The following TMIGD3 variants were observed in gnomAD, a reference collection of about 807,000 sequenced individuals.
TMIGD3 encodes the protein AD026 protein (AD026).
In TMIGD3, 21 loss-of-function variants were observed where a neutral mutation model predicts 28.1. The observed-to-expected ratio is 0.75, with a 90% CI of 0.53 to 1.08. The LOEUF (loss-of-function observed/expected upper bound fraction) is 1.08. Among genes scored for constraint, TMIGD3 ranks in the 50% least tolerant of loss-of-function variants. The pLI is 0.00. For missense variants in TMIGD3, 416 were observed against 435.6 expected, an observed-to-expected ratio of 0.96 and a Z score of 0.40; for synonymous variants, 151 against 162.1, an observed-to-expected ratio of 0.93 and a Z score of 0.52.
In TMIGD3 at chr1:111,502,992, C is replaced by T. The variant is rs769666822; in HGVS notation, c.350+13G>A. On this transcript the variant is annotated intron_variant, in intron 1 of 5. Coordinates refer to ENST00000369716, the MANE Select transcript of TMIGD3 (RefSeq NM_020683.7). ...GCTGCCTCAATTGCTGCCCACCCCA[C>T]GCCGCAGGCTACCTGACGGTAAGCT... 43 of 1,610,614 alleles carry T rather than the reference C, an allele frequency of 2.7e-5. No homozygotes were observed. The Admixed American group carries it at 3.2e-4, about 12-fold the overall frequency.
At chr1:111,537,473 A>C (rs1265202338) in intron 1 of TMIGD3, among the ~76,000 whole-genome samples, 19 of 152,240 alleles carry the variant, frequency 1.2e-4, no homozygotes, top group Non-Finnish European at 5.9e-5. Context: ...CAGGTGTATA[A>C]ACAGCAATCA....
At chr1:111,553,608 C>A (rs1487841104) in intron 1 of TMIGD3, among the ~76,000 whole-genome samples, 3 of 152,214 alleles carry the variant, frequency 2.0e-5, no homozygotes, top group Non-Finnish European at 4.4e-5. Context: ...ATTTCTTTAT[C>A]TGGCTTTCAG....
chr1:111,532,051 G>A (rs138536783), intron 1 of TMIGD3, among the ~76,000 whole-genome samples: 19 of 152,144 alleles, frequency 1.2e-4, no homozygotes, highest in African/African-American at 3.6e-4. Flanking sequence ...TATTAATTAT[G>A]AGGTTTTCAC....
At chr1:111,559,503 G>C (rs1293377565) in intron 1 of TMIGD3, among the ~76,000 whole-genome samples, 2 of 152,092 alleles carry the variant, frequency 1.3e-5, no homozygotes, top group Admixed American at 1.3e-4. Flanking sequence ...GTACCCAGCT[G>C]TGTGTCTTTA....
rs1248698481 is a variant in TMIGD3 at position 111,490,769 on chromosome 1, A to C, written c.351-7T>G. On this transcript the variant is annotated splice_polypyrimidine_tract_variant and splice_region_variant and intron_variant, in intron 1 of 5. Transcript: ENST00000369716. ...GAGCCCAGGAATTCTGAATCTGTTT[A>C]AGGGAAACAGATATGCTTGAGCTTA... The C allele has an allele frequency of 1.3e-6, 2 of 1,598,794 alleles. No individual in the cohort carries two copies. The highest frequency in any genetic ancestry group is 1.7e-6 in the Non-Finnish European group (2 of 1,166,772).
intron 1 of TMIGD3, among the ~76,000 whole-genome samples, chr1:111,513,694 T>C (rs960629001): frequency 2.0e-5 from 3 of 152,154 alleles, no homozygotes; most frequent in African/African-American, 7.2e-5. Context: ...AACAGAACTC[T>C]AGGTCACTGC....
upstream of TMIGD3, among the ~76,000 whole-genome samples, chr1:111,505,718 C>T (rs556812597): frequency 6.6e-6 from 1 of 152,310 alleles, no homozygotes; most frequent in Admixed American, 6.5e-5. Context: ...TGCCTCATCA[C>T]ATCTCAAGTA....
intron 1 of TMIGD3, among the ~76,000 whole-genome samples, chr1:111,536,787 C>T (rs1656654559): frequency 1.3e-5 from 2 of 151,790 alleles, no homozygotes; most frequent in South Asian, 4.2e-4. Flanking sequence ...GTGCCAAGCA[C>T]TGTTCCTCCG....
chr1:111,506,932 CACACACATATATAT>C (rs1235510824), upstream of TMIGD3, among the ~76,000 whole-genome samples: 5 of 129,928 alleles, frequency 3.8e-5, no homozygotes, highest in Non-Finnish European at 8.1e-5. Context: ...TATATACACA[CACACACATATATAT>C]ACACACACAT....
intron 1 of TMIGD3, among the ~76,000 whole-genome samples, chr1:111,547,813 T>A (rs1417786089): frequency 1.3e-5 from 2 of 152,208 alleles, no homozygotes; most frequent in African/African-American, 4.8e-5. Flanking sequence ...GGAGAAAGAC[T>A]CTCTGGTGAA....
chr1:111,540,156 A>C (rs1049124151), intron 1 of TMIGD3, among the ~76,000 whole-genome samples: 3 of 152,226 alleles, frequency 2.0e-5, no homozygotes, highest in Non-Finnish European at 4.4e-5. Context: ...ACTTGGTTAA[A>C]ATGGCTATTT....
intron 1 of TMIGD3, among the ~76,000 whole-genome samples, chr1:111,520,100 T>C (rs1656006714): frequency 6.6e-6 from 1 of 152,162 alleles, no homozygotes; most frequent in Non-Finnish European, 1.5e-5. Flanking sequence ...TTCCATATGG[T>C]CTTCAATGCA....
chr1:111,503,372 A>T lies in TMIGD3; in HGVS notation c.-18T>A, dbSNP rs946183815. On this transcript the variant is annotated 5_prime_UTR_variant, in exon 1 of 6. Transcript: ENST00000369716. ...TTGGGCATCTTGCCTTCCCAGGGGAACCTCCACAGGGACAGGTGAGCCAGC... is the reference window on the plus strand; with the variant it reads ...TTGGGCATCTTGCCTTCCCAGGGGATCCTCCACAGGGACAGGTGAGCCAGC... 3 of 1,593,556 alleles carry T rather than the reference A, an allele frequency of 1.9e-6. No homozygotes were observed. Among genetic ancestry groups the T allele is most frequent in the Non-Finnish European group, 2.6e-6 (3 of 1,167,558 alleles).
intron 1 of TMIGD3, among the ~76,000 whole-genome samples, chr1:111,512,193 G>A (rs1428558053): frequency 6.6e-6 from 1 of 152,210 alleles, no homozygotes; most frequent in Admixed American, 6.5e-5. Flanking sequence ...CATGCTAGTG[G>A]GTAGAATAGT....
chr1:111,534,765 G>A (rs772102037), intron 1 of TMIGD3, among the ~76,000 whole-genome samples: 1 of 152,042 alleles, frequency 6.6e-6, no homozygotes, highest in African/African-American at 2.4e-5. Flanking sequence ...TTGTGTTTGT[G>A]CATGTATGAG....
upstream of TMIGD3, chr1:111,503,782 AG>A (rs1655375671): frequency 9.9e-7 from 1 of 1,012,108 alleles, no homozygotes; most frequent in Admixed American, 5.1e-5. Flanking sequence ...GGAAGTACAG[AG>A]CTCAGAACTC....
At chr1:111,505,686 C>G (rs931032354), upstream of TMIGD3, among the ~76,000 whole-genome samples, 3 of 152,142 alleles carry the variant, frequency 2.0e-5, no homozygotes, top group Non-Finnish European at 4.4e-5. Context: ...CAGCCCATGG[C>G]GCACAGCCAC....
intron 1 of TMIGD3, among the ~76,000 whole-genome samples, chr1:111,515,595 G>A (rs1157816825): frequency 1.3e-5 from 2 of 152,234 alleles, no homozygotes; most frequent in African/African-American, 4.8e-5. Flanking sequence ...CAGCGGCTGG[G>A]TTCCGCGGCA....
chr1:111,527,653 C>A (rs536458282), intron 1 of TMIGD3, among the ~76,000 whole-genome samples: 2 of 152,224 alleles, frequency 1.3e-5, no homozygotes, highest in Non-Finnish European at 2.9e-5. Context: ...TGTTCTATAT[C>A]CTTACCAGCA....
Sources: gnomAD v4.1 joint callset for allele counts (sites outside exome capture counted in the v4.1 genomes callset) on GRCh38, gnomAD v4.1.1 for gene constraint, MANE v1.5 for transcripts, NCBI Gene and HGNC (gene_info 2026-07-23, HGNC 2026-07-21) for gene names.